The following RIMS2 variants were observed in gnomAD, a reference collection of about 807,000 sequenced individuals.
RIMS2 encodes the protein regulating synaptic membrane exocytosis protein 2.
A neutral mutation model predicts 174.4 loss-of-function variants in RIMS2; 59 were observed. That is an observed-to-expected ratio of 0.34 (90% CI 0.27 to 0.42). The LOEUF is 0.42. Among genes scored for constraint, RIMS2 ranks in the 10% least tolerant of loss-of-function variants. The probability of loss-of-function intolerance (pLI) is 1.00; values close to 1 mark genes in which losing one functional copy is unlikely to be tolerated. For synonymous variants in RIMS2, 606 were observed against 572.5 expected, an observed-to-expected ratio of 1.06 and a Z score of -0.84; for missense variants, 1,620 against 1,666.3, an observed-to-expected ratio of 0.97 and a Z score of 0.48.
At chr8:104,087,378 CATGG>C (rs904414617) in intron 19 of RIMS2, among the ~76,000 whole-genome samples, 22 of 151,974 alleles carry the variant, frequency 1.4e-4, no homozygotes, top group South Asian at 6.3e-4. Flanking sequence ...ATGATTGATA[CATGG>C]ATGGATGGAT....
intron 19 of RIMS2, among the ~76,000 whole-genome samples, chr8:104,032,865 T>C (rs2096429434): frequency 6.6e-6 from 1 of 152,010 alleles, no homozygotes; most frequent in Non-Finnish European, 1.5e-5. Flanking sequence ...CCAAACATTA[T>C]ACTTGGCACT....
intron 3 of RIMS2, among the ~76,000 whole-genome samples, chr8:103,835,118 T>C (rs2098868468): frequency 6.7e-6 from 1 of 149,774 alleles, no homozygotes; most frequent in Non-Finnish European, 1.5e-5. Flanking sequence ...TTTTTTTTTT[T>C]TGAGACAGAG....
chr8:104,251,700 C>T (rs61753732), exon 24 of RIMS2: 42,187 of 1,602,694 alleles, frequency 0.026, 669 homozygotes, highest in Non-Finnish European at 0.031. Context: ...ATATGGTGAT[C>T]GGATGGTTCA....
chr8:103,841,129 A>G (rs1011634226), intron 3 of RIMS2, among the ~76,000 whole-genome samples: 11 of 152,144 alleles, frequency 7.2e-5, no homozygotes, highest in African/African-American at 2.7e-4. Context: ...AGACTCTCTG[A>G]GCTCATCTAG....
intron 19 of RIMS2, among the ~76,000 whole-genome samples, chr8:104,207,013 A>C (rs2099083281): frequency 6.6e-6 from 1 of 152,236 alleles, no homozygotes; most frequent in African/African-American, 2.4e-5. Flanking sequence ...ACCAAGGGAC[A>C]GAGAGATTAA....
intron 3 of RIMS2, among the ~76,000 whole-genome samples, chr8:103,783,769 T>C (rs2098415242): frequency 6.7e-6 from 1 of 150,262 alleles, no homozygotes; most frequent in Non-Finnish European, 1.5e-5. Context: ...TTATAGTCCT[T>C]TGGGTATATG....
intron 1 of RIMS2, among the ~76,000 whole-genome samples, chr8:103,586,729 A>C (rs1450447315): frequency 6.6e-6 from 1 of 152,130 alleles, no homozygotes; most frequent in Non-Finnish European, 1.5e-5. Context: ...AGAAGAAAAG[A>C]AAGAATAAAG....
At chr8:103,828,795 A>G (rs2098807254) in intron 3 of RIMS2, among the ~76,000 whole-genome samples, 1 of 152,066 alleles carries the variant, frequency 6.6e-6, no homozygotes, top group Non-Finnish European at 1.5e-5. Context: ...CTAGCCAGTT[A>G]TATCAGCATT....
At chr8:103,800,605 T>G (rs1359572937) in intron 3 of RIMS2, among the ~76,000 whole-genome samples, 1 of 152,218 alleles carries the variant, frequency 6.6e-6, no homozygotes, top group Non-Finnish European at 1.5e-5. Flanking sequence ...GTTTTTCCTC[T>G]TTCGTCTCTT....
At chr8:104,201,124 C>T (rs893880920) in intron 19 of RIMS2, among the ~76,000 whole-genome samples, 1 of 152,086 alleles carries the variant, frequency 6.6e-6, no homozygotes, top group Non-Finnish European at 1.5e-5. Flanking sequence ...AACCCTCTCC[C>T]TCCTCCCACC....
intron 15 of RIMS2, among the ~76,000 whole-genome samples, chr8:103,962,778 C>A (rs1224403099): frequency 2.1e-4 from 32 of 152,090 alleles, no homozygotes; most frequent in Non-Finnish European, 2.9e-5. Flanking sequence ...GTGCACACTA[C>A]CTAGTGTGTG....
intron 3 of RIMS2, among the ~76,000 whole-genome samples, chr8:103,837,608 G>A (rs999407092): frequency 1.3e-4 from 19 of 151,714 alleles, no homozygotes; most frequent in Non-Finnish European, 2.4e-4. Flanking sequence ...GAGAACATGC[G>A]GTGTTTGGTT....
chr8:103,863,379 T>C (rs2099068574), intron 3 of RIMS2, among the ~76,000 whole-genome samples: 1 of 152,152 alleles, frequency 6.6e-6, no homozygotes, highest in Non-Finnish European at 1.5e-5. Context: ...TTTTTGCCTC[T>C]ATGTTCATCA....
At chr8:104,158,134 G>A (rs1357110477) in intron 19 of RIMS2, among the ~76,000 whole-genome samples, 1 of 152,120 alleles carries the variant, frequency 6.6e-6, no homozygotes, top group Non-Finnish European at 1.5e-5. Flanking sequence ...ACTTATGAGT[G>A]AGAACATGCA....
chr8:104,067,403 G>A (rs578223617), intron 19 of RIMS2, among the ~76,000 whole-genome samples: 2 of 152,174 alleles, frequency 1.3e-5, no homozygotes, highest in African/African-American at 4.8e-5. Context: ...AATGACAAAT[G>A]TACTTTTTTT....
At chr8:104,222,499 T>G in intron 19 of RIMS2, among the ~76,000 whole-genome samples, 1 of 152,198 alleles carries the variant, frequency 6.6e-6, no homozygotes, top group Non-Finnish European at 1.5e-5. Flanking sequence ...TAGGACTGAA[T>G]AGTACCCTAC....
At chr8:103,635,631 C>A (rs2096058388) in intron 1 of RIMS2, among the ~76,000 whole-genome samples, 1 of 152,214 alleles carries the variant, frequency 6.6e-6, no homozygotes, top group Non-Finnish European at 1.5e-5. Flanking sequence ...CTTATTGTCC[C>A]AAAGACACCT....
intron 1 of RIMS2, among the ~76,000 whole-genome samples, chr8:103,525,315 T>A (rs1833448638): frequency 1.3e-5 from 2 of 152,136 alleles, no homozygotes; most frequent in Admixed American, 1.3e-4. Flanking sequence ...AAACAGAAAA[T>A]AATTTATTGT....
At chr8:103,850,725 C>A (rs1197203485) in intron 3 of RIMS2, among the ~76,000 whole-genome samples, 1 of 151,994 alleles carries the variant, frequency 6.6e-6, no homozygotes, top group African/African-American at 2.4e-5. Context: ...AGCTAAGAAA[C>A]AGTCTTGGAG....
Sources: allele counts gnomAD v4.1 joint callset (sites outside exome capture counted in the v4.1 genomes callset), GRCh38; gene constraint gnomAD v4.1.1; transcripts MANE v1.5; gene names NCBI Gene and HGNC (gene_info 2026-07-23, HGNC 2026-07-21).